SMURF2: variants seen among roughly 807,000 people sequenced by gnomAD.
SMURF2 encodes the protein E3 ubiquitin-protein ligase SMURF2.
Under a neutral mutation model 109.6 loss-of-function variants are expected in SMURF2, and 48 were observed. That is an observed-to-expected ratio of 0.44 (90% CI 0.35 to 0.56). SMURF2 has a LOEUF of 0.56. SMURF2 is among the 20% of genes least tolerant of loss of function. SMURF2 has a pLI of 0.01. For missense variants in SMURF2, 575 were observed against 909.0 expected (o/e 0.63, Z 4.72); for synonymous variants, 288 against 317.1 (o/e 0.91, Z 0.97).
At chr17:64,613,745 G>GTGTGTGTGTGT (rs1568195629) in intron 1 of SMURF2, among the ~76,000 whole-genome samples, 2 of 87,492 alleles carry the variant, frequency 2.3e-5, no homozygotes, top group East Asian at 3.9e-4. Flanking sequence ...TGTGTGTGTG[G>GTGTGTGTGTGT]AGGGGGGGCA....
At chr17:64,611,666 T>G (rs986763359) in intron 1 of SMURF2, among the ~76,000 whole-genome samples, 3 of 152,204 alleles carry the variant, frequency 2.0e-5, no homozygotes, top group African/African-American at 7.2e-5. Flanking sequence ...CACCATCTAC[T>G]GTCTAGGTAA....
intron 1 of SMURF2, among the ~76,000 whole-genome samples, chr17:64,648,714 G>T (rs1157937184): frequency 6.6e-6 from 1 of 152,136 alleles, no homozygotes; most frequent in Non-Finnish European, 1.5e-5. Context: ...CAAGGCTATA[G>T]TGAGCCATAA....
At chr17:64,569,559 G>A (rs782660364) in intron 10 of SMURF2, among the ~76,000 whole-genome samples, 1 of 152,082 alleles carries the variant, frequency 6.6e-6, no homozygotes, top group Non-Finnish European at 1.5e-5. Flanking sequence ...ACAAAAACAG[G>A]AAATCCAAAT....
At chr17:64,661,195 CAG>C (rs1036612505) in intron 1 of SMURF2, among the ~76,000 whole-genome samples, 23 of 152,166 alleles carry the variant, frequency 1.5e-4, no homozygotes, top group African/African-American at 5.5e-4. Flanking sequence ...TTCCAAAACA[CAG>C]TGTACAATGA....
At chr17:64,615,048 G>C (rs1238036717) in intron 1 of SMURF2, among the ~76,000 whole-genome samples, 1 of 152,182 alleles carries the variant, frequency 6.6e-6, no homozygotes, top group Non-Finnish European at 1.5e-5. Context: ...TTATCTATAT[G>C]CAACAAACCA....
intron 10 of SMURF2, among the ~76,000 whole-genome samples, chr17:64,569,338 A>G (rs1969364732): frequency 6.6e-6 from 1 of 152,128 alleles, no homozygotes; most frequent in South Asian, 2.1e-4. Context: ...TAAAGTCCAC[A>G]TGGATTAAAG....
chr17:64,603,564 G>A (rs1258563126), intron 2 of SMURF2, among the ~76,000 whole-genome samples: 5 of 146,542 alleles, frequency 3.4e-5, no homozygotes, highest in Non-Finnish European at 4.5e-5. Flanking sequence ...CCGGGGGACA[G>A]AGCAAGACTC....
At chr17:64,546,367 C>T (rs782025455) in intron 17 of SMURF2, 29 bp from the exon 18 acceptor site, 2 of 1,602,130 alleles carry the variant, frequency 1.2e-6, no homozygotes, top group Non-Finnish European at 1.7e-6. Flanking sequence ...TGGATGAAAT[C>T]ACTGCAGGTG....
chr17:64,614,416 T>C (rs1162578179), intron 1 of SMURF2, among the ~76,000 whole-genome samples: 1 of 152,192 alleles, frequency 6.6e-6, no homozygotes, highest in Non-Finnish European at 1.5e-5. Context: ...AGTACCATGC[T>C]GCAGAATCCA....
rs1317961574 is a variant in SMURF2, at chr17:64,543,028, G to A, written c.*2820C>T. On this transcript the variant is annotated 3_prime_UTR_variant, in exon 19 of 19. Transcript: ENST00000262435. ...ATGGAAAGGCAAGAGTATGAAAACAGATATCACATATCTGAAATAACAATA... is the reference window on the plus strand; with the variant it reads ...ATGGAAAGGCAAGAGTATGAAAACAAATATCACATATCTGAAATAACAATA... 2 of 152,064 alleles carry A rather than the reference G, an allele frequency of 1.3e-5. No homozygotes were observed. Among genetic ancestry groups the A allele is most frequent in the South Asian group, 4.1e-4 (2 of 4,828 alleles). The allele number at this position is 152,064 out of a possible 1,614,324, so 9.4% of individuals were successfully genotyped here. A position where few individuals can be genotyped will look rare whatever the true frequency, so the allele number is the denominator to read the frequency against.
intron 1 of SMURF2, among the ~76,000 whole-genome samples, chr17:64,642,274 G>A (rs1164561618): frequency 1.3e-5 from 2 of 152,190 alleles, no homozygotes; most frequent in South Asian, 2.1e-4. Flanking sequence ...TAATATTACT[G>A]TAACTCACAG....
At chr17:64,627,357 C>A (rs1970281968) in intron 1 of SMURF2, among the ~76,000 whole-genome samples, 1 of 152,066 alleles carries the variant, frequency 6.6e-6, no homozygotes, top group Non-Finnish European at 1.5e-5. Context: ...CTCAAGTGAT[C>A]CGCCCACCTC....
At chr17:64,611,310 T>C (rs1555689557) in intron 1 of SMURF2, among the ~76,000 whole-genome samples, 1 of 152,148 alleles carries the variant, frequency 6.6e-6, no homozygotes, top group Non-Finnish European at 1.5e-5. Flanking sequence ...AAGAGCCACT[T>C]TTCCATATAT....
chr17:64,584,036 T>A (rs1969612790), intron 6 of SMURF2, among the ~76,000 whole-genome samples: 1 of 152,046 alleles, frequency 6.6e-6, no homozygotes, highest in African/African-American at 2.4e-5. Flanking sequence ...GCACGGTGTC[T>A]CACGTCTGTA....
chr17:64,572,883 A>C (rs1406903124), intron 9 of SMURF2: 1 of 152,074 alleles, frequency 6.6e-6, no homozygotes, highest in African/African-American at 2.4e-5. Context: ...TGAAGCTTCC[A>C]AAGTGTGGAA....
At chr17:64,655,289 T>C (rs1970691946) in intron 1 of SMURF2, among the ~76,000 whole-genome samples, 1 of 138,694 alleles carries the variant, frequency 7.2e-6, no homozygotes. Flanking sequence ...GGAGACACAG[T>C]TTCACTCTGT....
intron 1 of SMURF2, among the ~76,000 whole-genome samples, chr17:64,648,058 TAAAAAAAAAAAAAAAAAAAA>T (rs56131846): frequency 5.7e-5 from 1 of 17,668 alleles, no homozygotes; most frequent in Non-Finnish European, 1.1e-4. Context: ...CCCTATCTCT[TAAAAAAAAAAAAAAAAAAAA>T]AAAAAAAAAA....
intron 1 of SMURF2, among the ~76,000 whole-genome samples, chr17:64,621,227 T>C (rs1970196581): frequency 6.6e-6 from 1 of 152,208 alleles, no homozygotes; most frequent in African/African-American, 2.4e-5. Context: ...GCTTTCCAAA[T>C]ACGCTCCATT....
chr17:64,602,329 AAAAAT>A (rs1251505897), intron 2 of SMURF2, among the ~76,000 whole-genome samples: 1 of 152,198 alleles, frequency 6.6e-6, no homozygotes, highest in African/African-American at 2.4e-5. Flanking sequence ...ATTGAAATAA[AAAAAT>A]AAAATAATAA....
Sources: gnomAD v4.1 joint callset for allele counts (sites outside exome capture counted in the v4.1 genomes callset) on GRCh38, gnomAD v4.1.1 for gene constraint, MANE v1.5 for transcripts, NCBI Gene and HGNC (gene_info 2026-07-23, HGNC 2026-07-21) for gene names.